COMMD1: variants seen among roughly 807,000 people sequenced by gnomAD.
COMMD1 encodes COMM domain-containing protein 1.
In COMMD1, 10 loss-of-function variants were observed where a neutral mutation model predicts 17.2. The ratio of observed to expected loss-of-function variants is 0.58; its 90% CI spans 0.36 to 0.99. The LOEUF is 0.99. Among genes scored for constraint, COMMD1 ranks in the 50% least tolerant of loss-of-function variants. COMMD1 has a pLI of 0.01. For synonymous variants in COMMD1, 97 were observed against 91.6 expected, an observed-to-expected ratio of 1.06 and a Z score of -0.34; for missense variants, 270 against 231.8, an observed-to-expected ratio of 1.17 and a Z score of -1.07.
At chr2:62,050,650 A>C (rs1349130852) in intron 2 of COMMD1, among the ~76,000 whole-genome samples, 1 of 152,240 alleles carries the variant, frequency 6.6e-6, no homozygotes, top group East Asian at 1.9e-4. Flanking sequence ...ATCAAGGATC[A>C]CATGCCTTGC....
intron 2 of COMMD1, among the ~76,000 whole-genome samples, chr2:62,005,040 T>G (rs2103815745): frequency 6.6e-6 from 1 of 152,308 alleles, no homozygotes; most frequent in South Asian, 2.1e-4. Flanking sequence ...TCAACCATGG[T>G]CACACATAAG....
intron 2 of COMMD1, among the ~76,000 whole-genome samples, chr2:62,097,308 A>G (rs1384821867): frequency 6.6e-6 from 1 of 152,106 alleles, no homozygotes; most frequent in Non-Finnish European, 1.5e-5. Flanking sequence ...ATTCCTAGTA[A>G]GGCTTCAGGT....
intron 1 of COMMD1, chr2:61,915,735 A>C (rs1670030359): frequency 2.2e-6 from 1 of 453,054 alleles, no homozygotes; most frequent in African/African-American, 2.0e-5. Context: ...GGGCTTAAGC[A>C]ACCCTCTCTC....
At chr2:62,067,597 G>C (rs1017270509) in intron 2 of COMMD1, among the ~76,000 whole-genome samples, 1 of 152,100 alleles carries the variant, frequency 6.6e-6, no homozygotes, top group African/African-American at 2.4e-5. Flanking sequence ...AGAGACCCAG[G>C]GAAAACTATT....
intron 1 of COMMD1, among the ~76,000 whole-genome samples, chr2:61,985,451 G>T (rs1672082340): frequency 6.6e-6 from 1 of 152,092 alleles, no homozygotes; most frequent in Admixed American, 6.6e-5. Context: ...TGATTGGAGA[G>T]TTTGGTTCAT....
At chr2:61,926,616 C>T (rs1469707469) in intron 1 of COMMD1, among the ~76,000 whole-genome samples, 4 of 152,176 alleles carry the variant, frequency 2.6e-5, no homozygotes, top group Non-Finnish European at 5.9e-5. Flanking sequence ...CTTCGACTCT[C>T]TTTTCATGTT....
rs530905879 is a variant in COMMD1 at position 62,125,407 on chromosome 2, G to A, written c.463-10424G>A. On this transcript the variant is annotated intron_variant, in intron 2 of 2. Coordinates refer to ENST00000311832, the MANE Select transcript of COMMD1 (RefSeq NM_152516.4). ...ATTAAGTTGCAGTCCTAGACTGACT[G>A]ATGTCAGTCCTTTTTCAGCCTCAGT... Among the ~76,000 whole-genome samples, 16 of 152,292 alleles carry A rather than the reference G, an allele frequency of 1.1e-4. No homozygotes were observed. In the East Asian group the frequency reaches 3.1e-3, roughly 29 times the overall value.
chr2:61,925,528 C>G (rs1012500169), intron 1 of COMMD1, among the ~76,000 whole-genome samples: 11 of 152,122 alleles, frequency 7.2e-5, no homozygotes, highest in Non-Finnish European at 1.3e-4. Flanking sequence ...TACGACCTCC[C>G]CCTGTGGGGT....
At chr2:62,087,076 C>T (rs1048483845) in intron 2 of COMMD1, among the ~76,000 whole-genome samples, 7 of 151,986 alleles carry the variant, frequency 4.6e-5, no homozygotes, top group African/African-American at 1.7e-4. Context: ...TGCCTGCCTT[C>T]GCCTCCCAAA....
At chr2:62,127,152 A>C (rs1245655608) in intron 2 of COMMD1, among the ~76,000 whole-genome samples, 1 of 152,178 alleles carries the variant, frequency 6.6e-6, no homozygotes. Context: ...TAAAATACCT[A>C]AGAGTACAGC....
intron 1 of COMMD1, among the ~76,000 whole-genome samples, chr2:61,956,186 T>C (rs1255846982): frequency 6.6e-6 from 1 of 152,206 alleles, no homozygotes; most frequent in East Asian, 1.9e-4. Context: ...ATACTCTGAA[T>C]GTTGGTACAC....
chr2:62,082,583 C>T lies in COMMD1; in HGVS notation c.463-53248C>T, dbSNP rs139451811. The stretch of plus-strand genomic sequence containing the variant: ...TTTTAAAATTTTAGGCTGTCTTGGC[C>T]GGGTGCGGTGGCTCACACCTGTAAT... On this transcript the variant is annotated intron_variant, in intron 2 of 2. Transcript: ENST00000311832. Among the ~76,000 whole-genome samples, 169 of 152,270 alleles carry T rather than the reference C, an allele frequency of 1.1e-3. 3 individuals are homozygous for T. The East Asian group carries it at 0.027, about 24-fold the overall frequency.
chr2:62,036,296 A>G (rs540643588), intron 2 of COMMD1, among the ~76,000 whole-genome samples: 10 of 152,228 alleles, frequency 6.6e-5, no homozygotes, highest in Non-Finnish European at 1.0e-4. Context: ...TTGTTTTATC[A>G]TATCCTTACA....
At chr2:62,008,345 TACACACACACAGACAGACAC>T (rs1558559900) in intron 2 of COMMD1, among the ~76,000 whole-genome samples, 2 of 150,666 alleles carry the variant, frequency 1.3e-5, no homozygotes, top group Non-Finnish European at 2.9e-5. Flanking sequence ...CAATCTTTCA[TACACACACACAGACAGACAC>T]ACACACACAC....
intron 1 of COMMD1, among the ~76,000 whole-genome samples, chr2:61,933,323 C>A (rs1670518858): frequency 6.6e-6 from 1 of 151,842 alleles, no homozygotes; most frequent in South Asian, 2.1e-4. Context: ...TGCTGGTATC[C>A]CTAACACTCA....
rs70946773 is a variant in COMMD1 at position 61,986,564 on chromosome 2, CTTTTTTT to C, written c.181-14122_181-14116del. The stretch of plus-strand genomic sequence containing the variant: ...TCTAAATAATCTCGTAGGCATCATT[CTTTTTTT>C]TTTTTTTTTTTTTTGGAGTCAGAGT... On this transcript the variant is annotated intron_variant, in intron 1 of 2. Transcript: ENST00000311832. Among the ~76,000 whole-genome samples the C allele has an allele frequency of 2.8e-3, 266 of 94,552 alleles. 1 individual carries two copies. Among genetic ancestry groups the C allele is most frequent in the African/African-American group, 9.4e-3 (235 of 25,070 alleles). The allele number at this position is 94,552 out of a possible 152,430, so 62.0% of individuals were successfully genotyped here. A position where few individuals can be genotyped will look rare whatever the true frequency, so the allele number is the denominator to read the frequency against.
chr2:62,125,463 A>AT (rs1317076569), intron 2 of COMMD1, among the ~76,000 whole-genome samples: 2 of 151,570 alleles, frequency 1.3e-5, no homozygotes, highest in Non-Finnish European at 2.9e-5. Context: ...TTGCAGTATG[A>AT]TTTTTTTTCT....
Position 62,119,323 on chromosome 2 carries a change from T to C in COMMD1, c.463-16508T>C, listed in dbSNP as rs1055341093. 1.1e-4 allele frequency among the ~76,000 whole-genome samples: 17 copies of C among 152,340 alleles called. 1 individual carries two copies. Among genetic ancestry groups the C allele is most frequent in the Admixed American group, 5.2e-4 (8 of 15,294 alleles). ...GTTGCATGAGCCACCCAGTCTGTGATACTTTGCTGTGGCAACCCTAGCAAA... is the reference window on the plus strand; with the variant it reads ...GTTGCATGAGCCACCCAGTCTGTGACACTTTGCTGTGGCAACCCTAGCAAA... On this transcript the variant is annotated intron_variant, in intron 2 of 2. Transcript: ENST00000311832.
chr2:62,052,471 G>A (rs912624200), intron 2 of COMMD1, among the ~76,000 whole-genome samples: 12 of 152,068 alleles, frequency 7.9e-5, no homozygotes, highest in African/African-American at 1.9e-4. Flanking sequence ...TGTTGCTTGG[G>A]TATGATCCTT....
Sources: gnomAD v4.1 joint callset for allele counts (sites outside exome capture counted in the v4.1 genomes callset) on GRCh38, gnomAD v4.1.1 for gene constraint, MANE v1.5 for transcripts, NCBI Gene and HGNC (gene_info 2026-07-23, HGNC 2026-07-21) for gene names.